The following PTPRD variants were observed in gnomAD, a reference collection of about 807,000 sequenced individuals.
The protein encoded by PTPRD is protein tyrosine phosphatase receptor type D.
In PTPRD, 34 loss-of-function variants were observed where a neutral mutation model predicts 214.5. The observed-to-expected ratio is 0.16, with a 90% CI of 0.12 to 0.21. The LOEUF (loss-of-function observed/expected upper bound fraction) is 0.21. Among genes scored for constraint, PTPRD ranks in the 10% least tolerant of loss-of-function variants. The pLI, the probability that PTPRD is intolerant of heterozygous loss-of-function variation, is 1.00. For missense variants in PTPRD, 2,545 were observed against 2,398.7 expected (o/e 1.06, Z -1.27); for synonymous variants, 1,128 against 845.7 (o/e 1.33, Z -5.79).
At chr9:8,553,062 G>A (rs1034734458) in intron 14 of PTPRD, among the ~76,000 whole-genome samples, 2 of 152,130 alleles carry the variant, frequency 1.3e-5, no homozygotes, top group Non-Finnish European at 2.9e-5. Context: ...TAACTGCCCA[G>A]CTGAACCACA....
intron 3 of PTPRD, among the ~76,000 whole-genome samples, chr9:10,126,096 C>A (rs1412338581): frequency 3.3e-5 from 5 of 151,990 alleles, no homozygotes; most frequent in Admixed American, 3.3e-4. Context: ...TAGCATTTGG[C>A]ATGTATCCAA....
intron 7 of PTPRD, among the ~76,000 whole-genome samples, chr9:9,636,279 G>A (rs2095763859): frequency 6.6e-6 from 1 of 152,132 alleles, no homozygotes; most frequent in African/African-American, 2.4e-5. Flanking sequence ...ACAATGTCTA[G>A]GACTTTTTGC....
In PTPRD at chr9:10,375,234, T is replaced by C. The variant is rs145367700; in HGVS notation, c.-599-34217A>G. On this transcript the variant is annotated intron_variant, in intron 2 of 45. Transcript: ENST00000381196. ...CTTGTACTTGCATTATCATGTTGCT[T>C]GACCAAGGTGATTTGTATGCTTAAA... is the stretch of plus-strand genomic sequence containing the variant. Among the ~76,000 whole-genome samples the C allele has an allele frequency of 3.0e-3, 452 of 152,180 alleles. 4 individuals are homozygous for C. The highest frequency in any genetic ancestry group is 1.0e-2 in the African/African-American group (414 of 41,568).
chr9:9,331,257 A>C (rs1342162307), intron 9 of PTPRD, among the ~76,000 whole-genome samples: 1 of 152,078 alleles, frequency 6.6e-6, no homozygotes, highest in Non-Finnish European at 1.5e-5. Context: ...GTTTGCTACT[A>C]TCTCTCAGGC....
At chr9:9,880,322 T>C (rs1204690773) in intron 5 of PTPRD, among the ~76,000 whole-genome samples, 1 of 152,170 alleles carries the variant, frequency 6.6e-6, no homozygotes, top group Admixed American at 6.6e-5. Context: ...GTAGTATTTT[T>C]ATAGCAGTGT....
intron 12 of PTPRD, among the ~76,000 whole-genome samples, chr9:8,721,190 A>C (rs1211925598): frequency 1.3e-5 from 2 of 152,054 alleles, no homozygotes; most frequent in African/African-American, 4.8e-5. Flanking sequence ...ACACTTTGGG[A>C]AGCCGAGGCA....
chr9:9,484,807 A>AAT (rs2095560152), intron 8 of PTPRD, among the ~76,000 whole-genome samples: 2 of 152,130 alleles, frequency 1.3e-5, no homozygotes, highest in Admixed American at 1.3e-4. Context: ...ACCACCAAGC[A>AAT]ATACTGCTTC....
chr9:8,507,390 T>C lies in PTPRD; in HGVS notation c.1588A>G (p.Thr530Ala). ...LNFKAEPESE[T>A]SILLSWTPPR... ...GGTGTCCAAGAGAGCAAAATACTTG[T>C]TTCAGACTCAGGTTCTGCTTTGAAG... The change falls in exon 22 of 46, where the codon ACA (threonine) becomes GCA (alanine). Residue 530 changes from threonine to alanine, a missense_variant. Physicochemically the swap from Thr to Ala is moderately conservative, Grantham distance 58 (BLOSUM62 0). Coordinates refer to ENST00000381196, the MANE Select transcript of PTPRD (RefSeq NM_002839.4). 1 of 1,614,018 alleles carries C rather than the reference T, an allele frequency of 6.2e-7. No homozygotes were observed. The highest frequency in any genetic ancestry group is 8.5e-7 in the Non-Finnish European group (1 of 1,179,896).
chr9:8,847,714 C>T (rs1164752482), intron 11 of PTPRD, among the ~76,000 whole-genome samples: 2 of 151,040 alleles, frequency 1.3e-5, no homozygotes, highest in African/African-American at 2.5e-5. Flanking sequence ...TGAGGACTTA[C>T]AGACAAGGAG....
chr9:8,865,788 G>A (rs919010935), intron 11 of PTPRD, among the ~76,000 whole-genome samples: 2 of 152,102 alleles, frequency 1.3e-5, no homozygotes, highest in Admixed American at 1.3e-4. Context: ...TGTGCTGAAA[G>A]GTACAACGAC....
chr9:8,533,379 C>T (rs1445454502), intron 14 of PTPRD, among the ~76,000 whole-genome samples: 1 of 151,942 alleles, frequency 6.6e-6, no homozygotes, highest in Non-Finnish European at 1.5e-5. Flanking sequence ...TGGGAAAAAT[C>T]CCAATTTTTA....
chr9:10,309,723 C>G (rs1476382897), intron 3 of PTPRD, among the ~76,000 whole-genome samples: 4 of 151,874 alleles, frequency 2.6e-5, no homozygotes, highest in African/African-American at 9.7e-5. Flanking sequence ...ACACTATCCT[C>G]TCTTTATATT....
chr9:10,475,376 G>A (rs1171722243), intron 2 of PTPRD, among the ~76,000 whole-genome samples: 6 of 152,026 alleles, frequency 3.9e-5, no homozygotes, highest in Admixed American at 3.9e-4. Flanking sequence ...AAATCAACTG[G>A]AAAATGTAGA....
chr9:10,477,409 T>A (rs1490322847), intron 2 of PTPRD, among the ~76,000 whole-genome samples: 1 of 152,040 alleles, frequency 6.6e-6, no homozygotes, highest in Non-Finnish European at 1.5e-5. Flanking sequence ...ATCAGAGAAA[T>A]GCAAATCAAA....
At chr9:9,087,992 T>C (rs140267720) in intron 10 of PTPRD, among the ~76,000 whole-genome samples, 2,052 of 148,038 alleles carry the variant, frequency 0.014, 35 homozygotes, top group East Asian at 0.067. Context: ...AGAGATTCTC[T>C]TGCCCCAGCC....
chr9:9,580,542 A>C (rs683509), intron 7 of PTPRD, among the ~76,000 whole-genome samples: 53 of 127,744 alleles, frequency 4.1e-4, no homozygotes, highest in South Asian at 1.8e-3. Context: ...AGCTTACTTT[A>C]TTTTCTTTTT....
chr9:9,939,882 T>C (rs958113383), intron 4 of PTPRD, among the ~76,000 whole-genome samples: 5 of 152,192 alleles, frequency 3.3e-5, no homozygotes, highest in African/African-American at 1.2e-4. Flanking sequence ...CTTGTAGCCC[T>C]TTTTAATCTC....
chr9:9,019,680 C>A (rs2099555635), intron 10 of PTPRD, among the ~76,000 whole-genome samples: 1 of 152,128 alleles, frequency 6.6e-6, no homozygotes, highest in African/African-American at 2.4e-5. Context: ...CACTCCATCC[C>A]AGGTGACAGA....
chr9:10,221,324 C>T (rs569541797), intron 3 of PTPRD, among the ~76,000 whole-genome samples: 1 of 152,058 alleles, frequency 6.6e-6, no homozygotes, highest in South Asian at 2.1e-4. Context: ...AACACAGACA[C>T]ACACCTCTGC....
Sources: allele counts gnomAD v4.1 joint callset (sites outside exome capture counted in the v4.1 genomes callset), GRCh38; gene constraint gnomAD v4.1.1; transcripts MANE v1.5; gene names NCBI Gene and HGNC (gene_info 2026-07-23, HGNC 2026-07-21).